CEP128: variants seen among roughly 807,000 people sequenced by gnomAD.
CEP128 encodes the protein centrosomal protein 128.
In CEP128, 132 loss-of-function variants were observed where a neutral mutation model predicts 156.7. That is an observed-to-expected ratio of 0.84 (90% CI 0.73 to 0.97). The LOEUF (loss-of-function observed/expected upper bound fraction) is 0.97, where lower values mean the gene tolerates loss of function less well. CEP128 is among the 50% of genes least tolerant of loss of function. The probability of loss-of-function intolerance (pLI) is 0.00; values close to 1 mark genes in which losing one functional copy is unlikely to be tolerated. For missense variants in CEP128, 1,252 were observed against 1,281.9 expected, an observed-to-expected ratio of 0.98 and a Z score of 0.36; for synonymous variants, 469 against 448.9, an observed-to-expected ratio of 1.04 and a Z score of -0.57.
intron 8 of CEP128, among the ~76,000 whole-genome samples, chr14:80,887,475 C>A (rs1844807164): frequency 6.6e-6 from 1 of 152,182 alleles, no homozygotes. Flanking sequence ...TTAAGAAATT[C>A]TCTCAAAACT....
intron 9 of CEP128, among the ~76,000 whole-genome samples, chr14:80,847,445 C>T (rs895056556): frequency 1.3e-5 from 2 of 151,916 alleles, no homozygotes; most frequent in African/African-American, 2.4e-5. Context: ...TTTGTTACCA[C>T]AAGTAACAAA....
chr14:80,755,462 C>T (rs1394942302), intron 18 of CEP128, among the ~76,000 whole-genome samples: 1 of 152,168 alleles, frequency 6.6e-6, no homozygotes, highest in African/African-American at 2.4e-5. Context: ...GTCCAACTCT[C>T]AATTGGACTT....
At chr14:80,561,881 T>C (rs1379255121) in intron 20 of CEP128, among the ~76,000 whole-genome samples, 1 of 146,180 alleles carries the variant, frequency 6.8e-6, no homozygotes, top group Non-Finnish European at 1.5e-5. Flanking sequence ...CTCCATTTTG[T>C]TGAAATACGA....
At chr14:80,538,428 T>C (rs1200427984) in intron 21 of CEP128, among the ~76,000 whole-genome samples, 1 of 152,206 alleles carries the variant, frequency 6.6e-6, no homozygotes, top group Non-Finnish European at 1.5e-5. Flanking sequence ...CCTTCCAATT[T>C]CCTTATCCAG....
intron 8 of CEP128, among the ~76,000 whole-genome samples, chr14:80,871,797 T>A (rs1357134517): frequency 6.6e-6 from 1 of 152,060 alleles, no homozygotes; most frequent in Non-Finnish European, 1.5e-5. Context: ...CCATATTTGG[T>A]TATAAAAATA....
intron 19 of CEP128, among the ~76,000 whole-genome samples, chr14:80,732,368 T>G (rs898519103): frequency 6.6e-6 from 1 of 151,814 alleles, no homozygotes; most frequent in Non-Finnish European, 1.5e-5. Flanking sequence ...AAATTGAACT[T>G]TATTTGTTTA....
chr14:80,858,860 C>A (rs1887354822), intron 9 of CEP128, among the ~76,000 whole-genome samples: 1 of 152,108 alleles, frequency 6.6e-6, no homozygotes, highest in African/African-American at 2.4e-5. Context: ...TCATCTCACA[C>A]CAGTTAGAAT....
At chr14:80,678,049 A>AAATAT in intron 19 of CEP128, among the ~76,000 whole-genome samples, 3 of 98,500 alleles carry the variant, frequency 3.0e-5, no homozygotes, top group Non-Finnish European at 7.8e-5. Flanking sequence ...ATAAAAAAAA[A>AAATAT]ATATATATAT....
chr14:80,863,001 C>G, intron 8 of CEP128, 128 bp from the exon 9 acceptor site: 1 of 568,064 alleles, frequency 1.8e-6, no homozygotes. Flanking sequence ...TTTGCAAAGC[C>G]CCTTCTAATG....
At chr14:80,893,726 G>C (rs1242386013) in intron 8 of CEP128, among the ~76,000 whole-genome samples, 1 of 151,814 alleles carries the variant, frequency 6.6e-6, no homozygotes, top group Non-Finnish European at 1.5e-5. Context: ...AAATTTTGGG[G>C]GTGATGGATG....
At chr14:80,738,667 T>G (rs1230594115) in intron 19 of CEP128, among the ~76,000 whole-genome samples, 2 of 152,160 alleles carry the variant, frequency 1.3e-5, no homozygotes, top group Non-Finnish European at 2.9e-5. Context: ...TCGAGTAACT[T>G]TTATTATACT....
At chr14:80,514,689 C>T (rs1485707901) in intron 23 of CEP128, 3 of 415,918 alleles carry the variant, frequency 7.2e-6, no homozygotes, top group African/African-American at 2.0e-5. Context: ...TGAAAGGTCA[C>T]ATATTTTTGT....
At chr14:80,908,232 T>C in intron 4 of CEP128, among the ~76,000 whole-genome samples, 1 of 152,294 alleles carries the variant, frequency 6.6e-6, no homozygotes, top group Middle Eastern at 3.4e-3. Context: ...ATTTCATATG[T>C]TGTAAATTCT....
chr14:80,517,014 G>A (rs548684852), intron 23 of CEP128, among the ~76,000 whole-genome samples: 36 of 152,174 alleles, frequency 2.4e-4, no homozygotes, highest in African/African-American at 8.7e-4. Context: ...AATTGCTGGA[G>A]GGTTCTATTT....
intron 19 of CEP128, among the ~76,000 whole-genome samples, chr14:80,728,928 G>C (rs762508359): frequency 1.1e-4 from 17 of 152,270 alleles, no homozygotes; most frequent in Non-Finnish European, 2.4e-4. Flanking sequence ...CCAACGCGGA[G>C]TCACAGAATC....
chr14:80,927,258 A>G (rs1885202100), intron 2 of CEP128, among the ~76,000 whole-genome samples: 1 of 152,222 alleles, frequency 6.6e-6, no homozygotes, highest in Non-Finnish European at 1.5e-5. Flanking sequence ...AGTTTCTTTC[A>G]GCAGAGGCAC....
rs575839149 is a variant in CEP128, at chr14:80,481,722, G to A, written c.*311-3315C>T. ...GGCAAACAGTGACAGACACAGCCAG[G>A]ATTTCTCTGGACCTAACACTAATCC... On this transcript the variant is annotated intron_variant and NMD_transcript_variant, in intron 14 of 14. Transcript: ENST00000554502. 1.8e-4 allele frequency among the ~76,000 whole-genome samples: 28 copies of A among 152,330 alleles called. 2 individuals carry two copies. In the South Asian group the frequency reaches 2.9e-3, roughly 16 times the overall value.
intron 2 of CEP128, among the ~76,000 whole-genome samples, chr14:80,925,963 C>T (rs968213292): frequency 3.9e-5 from 6 of 152,150 alleles, no homozygotes; most frequent in Non-Finnish European, 5.9e-5. Context: ...AGCATCGAAC[C>T]GTGTTTACTC....
chr14:80,614,748 A>G (rs564577628), intron 19 of CEP128, among the ~76,000 whole-genome samples: 12 of 152,306 alleles, frequency 7.9e-5, no homozygotes, highest in Admixed American at 6.5e-4. Context: ...ATATTTTTTA[A>G]TAAATCCCTA....
Sources: allele counts gnomAD v4.1 joint callset (sites outside exome capture counted in the v4.1 genomes callset), GRCh38; gene constraint gnomAD v4.1.1; transcripts MANE v1.5; gene names NCBI Gene and HGNC (gene_info 2026-07-23, HGNC 2026-07-21).